The following GRID2 variants were observed in gnomAD, a reference collection of about 807,000 sequenced individuals.
GRID2 encodes the protein glutamate receptor ionotropic, delta-2.
In GRID2, 33 loss-of-function variants were observed where a neutral mutation model predicts 114.8. That is an observed-to-expected ratio of 0.29 (90% CI 0.22 to 0.38). The LOEUF (loss-of-function observed/expected upper bound fraction) is 0.38. Among genes scored for constraint, GRID2 ranks in the 10% least tolerant of loss-of-function variants. The probability of loss-of-function intolerance (pLI) is 1.00; values close to 1 mark genes in which losing one functional copy is unlikely to be tolerated. For missense variants in GRID2, 1,184 were observed against 1,257.7 expected, an observed-to-expected ratio of 0.94 and a Z score of 0.89; for synonymous variants, 505 against 449.9, an observed-to-expected ratio of 1.12 and a Z score of -1.55.
At chr4:93,496,335 T>C (rs570907955) in intron 12 of GRID2, among the ~76,000 whole-genome samples, 1 of 151,826 alleles carries the variant, frequency 6.6e-6, no homozygotes, top group Admixed American at 6.6e-5. Context: ...CTTCTCTCAG[T>C]TCCCTGAATT....
rs1560599177 is a variant in GRID2 at position 92,384,609 on chromosome 4, A to ATATATTATATATAATATATAT, written c.88+79870_88+79871insTATATATAATATATATTATAT. On this transcript the variant is annotated intron_variant, in intron 1 of 15. Coordinates refer to ENST00000282020, the MANE Select transcript of GRID2 (RefSeq NM_001510.4). ...TATATTATATATAACATAATATATA[A>ATATATTATATATAATATATAT]TATATGTTATATATTATATATAATA... Among the ~76,000 whole-genome samples, 26 of 52,234 alleles carry ATATATTATATATAATATATAT rather than the reference A, an allele frequency of 5.0e-4. No individual in the cohort carries two copies. In the East Asian group the frequency reaches 0.011, roughly 21 times the overall value. The allele number at this position is 52,234 out of a possible 152,430, so 34.3% of individuals were successfully genotyped here. A position where few individuals can be genotyped will look rare whatever the true frequency, so the allele number is the denominator to read the frequency against.
At chr4:93,349,980 T>A (rs1760637174) in intron 8 of GRID2, among the ~76,000 whole-genome samples, 1 of 152,104 alleles carries the variant, frequency 6.6e-6, no homozygotes, top group Admixed American at 6.6e-5. Context: ...CATAATCTGA[T>A]ATATGGTGAC....
chr4:93,246,356 A>G (rs11931260), intron 8 of GRID2, among the ~76,000 whole-genome samples: 108,196 of 151,888 alleles, frequency 0.71, 39,363 homozygotes, highest in Middle Eastern at 0.86. Flanking sequence ...GGGAGGCCGA[A>G]GCAGGTGGAT....
intron 14 of GRID2, among the ~76,000 whole-genome samples, chr4:93,633,612 G>A (rs1242837847): frequency 6.6e-6 from 1 of 151,976 alleles, no homozygotes; most frequent in East Asian, 1.9e-4. Flanking sequence ...TTGCTTGCTT[G>A]ATAATTTCTA....
intron 14 of GRID2, among the ~76,000 whole-genome samples, chr4:93,740,373 G>A (rs954258099): frequency 3.9e-5 from 6 of 152,086 alleles, no homozygotes; most frequent in Non-Finnish European, 5.9e-5. Context: ...GCAACCTCAC[G>A]TTCCAATAAG....
chr4:92,503,106 C>T (rs192263630), intron 1 of GRID2, among the ~76,000 whole-genome samples: 4 of 152,120 alleles, frequency 2.6e-5, no homozygotes, highest in African/African-American at 4.8e-5. Context: ...TTTATGTAAA[C>T]GCTTTCTTTC....
At chr4:92,997,443 TC>T (rs1429744104) in intron 2 of GRID2, among the ~76,000 whole-genome samples, 3 of 152,126 alleles carry the variant, frequency 2.0e-5, no homozygotes, top group African/African-American at 7.2e-5. Context: ...AGTGCAGCAG[TC>T]CTTGGAGATA....
At chr4:93,793,559 T>C (rs1053903501) in intron 1 of GRID2, among the ~76,000 whole-genome samples, 1 of 152,192 alleles carries the variant, frequency 6.6e-6, no homozygotes, top group Non-Finnish European at 1.5e-5. Context: ...TCATTGATGC[T>C]TGTCTGTAAT....
intron 2 of GRID2, among the ~76,000 whole-genome samples, chr4:92,683,870 G>T (rs528102752): frequency 1.1e-4 from 16 of 151,660 alleles, no homozygotes; most frequent in African/African-American, 3.9e-4. Flanking sequence ...AAAACATATA[G>T]AACAAATGTT....
At chr4:92,908,824 A>C (rs2149488793) in intron 2 of GRID2, among the ~76,000 whole-genome samples, 1 of 152,290 alleles carries the variant, frequency 6.6e-6, no homozygotes, top group African/African-American at 2.4e-5. Flanking sequence ...AGGTTGTCTT[A>C]ATCCTTCACT....
At chr4:93,469,570 CCTT>C (rs1724610838) in intron 11 of GRID2, among the ~76,000 whole-genome samples, 1 of 151,866 alleles carries the variant, frequency 6.6e-6, no homozygotes, top group Non-Finnish European at 1.5e-5. Flanking sequence ...AAATGAATAA[CCTT>C]CTATCTCCAA....
chr4:92,422,759 A>T (rs1325588963), intron 1 of GRID2, among the ~76,000 whole-genome samples: 1 of 152,142 alleles, frequency 6.6e-6, no homozygotes, highest in African/African-American at 2.4e-5. Flanking sequence ...CATTACTCCT[A>T]AACCATAATT....
At chr4:93,626,235 C>T in intron 13 of GRID2, 34 bp from the exon 14 acceptor site, 2 of 1,275,064 alleles carry the variant, frequency 1.6e-6, no homozygotes, top group South Asian at 1.3e-5. Context: ...AACTTTAAAC[C>T]CTATTTCTTC....
chr4:93,508,988 A>G (rs1344067143), intron 12 of GRID2, among the ~76,000 whole-genome samples: 1 of 152,212 alleles, frequency 6.6e-6, no homozygotes, highest in Non-Finnish European at 1.5e-5. Flanking sequence ...TGTGAATATG[A>G]GTAAGGCAAA....
chr4:92,316,026 C>G (rs1408956967), intron 1 of GRID2, among the ~76,000 whole-genome samples: 2 of 145,008 alleles, frequency 1.4e-5, no homozygotes, highest in African/African-American at 5.4e-5. Context: ...AAAAGAGAAC[C>G]CGTTCTGTTG....
At chr4:93,461,701 C>T (rs1416132860) in intron 11 of GRID2, among the ~76,000 whole-genome samples, 1 of 152,120 alleles carries the variant, frequency 6.6e-6, no homozygotes, top group Non-Finnish European at 1.5e-5. Context: ...TAGAGATAAA[C>T]TCAGTACATC....
chr4:92,769,113 T>A (rs1051895015), intron 2 of GRID2, among the ~76,000 whole-genome samples: 2 of 152,044 alleles, frequency 1.3e-5, no homozygotes, highest in African/African-American at 4.8e-5. Context: ...CTAGATACAA[T>A]GGGGGGTACA....
At chr4:93,023,025 A>G (rs1203560732) in intron 2 of GRID2, among the ~76,000 whole-genome samples, 2 of 151,992 alleles carry the variant, frequency 1.3e-5, no homozygotes, top group East Asian at 3.9e-4. Flanking sequence ...ATGTATAAAT[A>G]GTGAACCAGT....
At chr4:93,390,209 G>C (rs749443568) in intron 8 of GRID2, among the ~76,000 whole-genome samples, 3 of 152,060 alleles carry the variant, frequency 2.0e-5, no homozygotes, top group Non-Finnish European at 4.4e-5. Flanking sequence ...ATTGTCCTGG[G>C]GTTTGGATGG....
Sources: gnomAD v4.1 joint callset for allele counts (sites outside exome capture counted in the v4.1 genomes callset) on GRCh38, gnomAD v4.1.1 for gene constraint, MANE v1.5 for transcripts, NCBI Gene and HGNC (gene_info 2026-07-23, HGNC 2026-07-21) for gene names.